C11orf91: variants seen among roughly 807,000 people sequenced by gnomAD.
The protein encoded by C11orf91 is chromosome 11 open reading frame 91.
C11orf91 carries 10 observed loss-of-function variants against 14.3 expected under a neutral mutation model. The observed-to-expected ratio is 0.70, with a 90% CI of 0.43 to 1.18. The LOEUF (loss-of-function observed/expected upper bound fraction) is 1.18, where lower values mean the gene tolerates loss of function less well. Among genes scored for constraint, C11orf91 ranks in the 50% most tolerant of loss-of-function variants. C11orf91 has a pLI of 0.00. For missense variants in C11orf91, 236 were observed against 269.0 expected (o/e 0.88, Z 0.86); for synonymous variants, 141 against 130.6 (o/e 1.08, Z -0.54).
upstream of C11orf91, among the ~76,000 whole-genome samples, chr11:33,701,754 A>AGTTGTGT (rs1368091486): frequency 6.7e-6 from 1 of 148,926 alleles, no homozygotes; most frequent in African/African-American, 2.5e-5. Context: ...CACAGTGCAA[A>AGTTGTGT]GTGTGTGTGT....
chr11:33,700,992 G>T (rs1194289580), upstream of C11orf91, among the ~76,000 whole-genome samples: 1 of 152,064 alleles, frequency 6.6e-6, no homozygotes, highest in Non-Finnish European at 1.5e-5. Context: ...GCCTCGCCTC[G>T]CCTCCCGTCC....
chr11:33,698,297 T>A lies in C11orf91; in HGVS notation c.*132A>T. 1 of 652,706 alleles carries A rather than the reference T, an allele frequency of 1.5e-6. No individual in the cohort carries two copies. Among genetic ancestry groups the A allele is most frequent in the Non-Finnish European group, 2.7e-6 (1 of 367,764 alleles). 40.4% of individuals were successfully genotyped at this position (652,706 alleles called of 1,614,324 possible). A position where few individuals can be genotyped will look rare whatever the true frequency, so the allele number is the denominator to read the frequency against. On this transcript the variant is annotated 3_prime_UTR_variant, in exon 2 of 2. Coordinates refer to ENST00000379011, the MANE Select transcript of C11orf91 (RefSeq NM_001166692.2). Reference sequence around the variant, plus strand: ...AAGTGGGCACTGTATGTGAAGTACATGCTGGTAGCAACAAGAACAGCGGTA... The same window carrying A: ...AAGTGGGCACTGTATGTGAAGTACAAGCTGGTAGCAACAAGAACAGCGGTA...
chr11:33,698,608 C>T (rs1362092229), intron 1 of C11orf91, 94 bp from the exon 2 acceptor site: 7 of 858,742 alleles, frequency 8.2e-6, no homozygotes, highest in East Asian at 5.3e-5. Flanking sequence ...TGTGCTTCCT[C>T]GACCCTAAAA....
At chr11:33,703,121 C>G (rs1853164045), upstream of C11orf91, 1 of 152,062 alleles carries the variant, frequency 6.6e-6, no homozygotes, top group Non-Finnish European at 1.5e-5. Context: ...CCCCTTACTC[C>G]AAGATAATCT....
At chr11:33,701,043 G>A (rs573196226), upstream of C11orf91, among the ~76,000 whole-genome samples, 2 of 152,330 alleles carry the variant, frequency 1.3e-5, no homozygotes, top group African/African-American at 4.8e-5. Flanking sequence ...CTGCGACCCC[G>A]CTGGCTTCCG....
At position 33,700,423 on chromosome 11, in the gene C11orf91, C is replaced by T. The variant is rs747588608; in HGVS notation, c.318G>A (p.Leu106=). 5.3e-6 allele frequency: 8 copies of T among 1,521,280 alleles called. No homozygotes were observed. The East Asian group carries it at 1.5e-4, about 28-fold the overall frequency. The allele number at this position is 1,521,280 out of a possible 1,614,324, so 94.2% of individuals were successfully genotyped here. Reference sequence around the variant, plus strand: ...CCGGCGGCGGTGAGTAGAAGAAGCGCAGAGGCTCGTAGGGGATGGAGGCCA... The same window carrying T: ...CCGGCGGCGGTGAGTAGAAGAAGCGTAGAGGCTCGTAGGGGATGGAGGCCA... ...SGLASIPYEP[L]RFFYSPPPGP... Residue 106 remains leucine (L), a synonymous_variant, in exon 1 of 2, where the codon CTG becomes CTA. Transcript: ENST00000379011.
At chr11:33,705,495 C>A (rs1853274405), upstream of C11orf91, 1 of 152,266 alleles carries the variant, frequency 6.6e-6, no homozygotes. Context: ...ACTCTTCCTG[C>A]TCTTGGACAT....
chr11:33,700,146 G>T, intron 1 of C11orf91, 99 bp downstream of exon 1: 1 of 1,313,500 alleles, frequency 7.6e-7, no homozygotes, highest in Non-Finnish European at 1.0e-6. Context: ...ACTGGGGGCT[G>T]GAGTCAAACC....
At chr11:33,704,887 AAC>A (rs1315825436), upstream of C11orf91, 1 of 152,584 alleles carries the variant, frequency 6.6e-6, no homozygotes, top group Non-Finnish European at 1.5e-5. Context: ...GGAAGCCCAG[AAC>A]AGTCTTTCCT....
chr11:33,698,441 G>A lies in C11orf91; in HGVS notation c.570C>T (p.Ala190=). The A allele has an allele frequency of 3.3e-6, 5 of 1,536,916 alleles. No homozygotes were observed. Among genetic ancestry groups the A allele is most frequent in the Non-Finnish European group, 4.4e-6 (5 of 1,146,380 alleles). Residue 190 remains alanine (A), a synonymous_variant, in exon 2 of 2, where the codon GCC becomes GCT. Coordinates refer to ENST00000379011, the MANE Select transcript of C11orf91 (RefSeq NM_001166692.2). ...GGTAGGCAGCTCCTCAGGAGAGAGA[G>A]GCCGACTTCTTTCCAGGTTGCTTGG... ...LKTKQPGKKS[A]SLS is the part of the protein sequence containing the mutation.
Position 33,700,737 on chromosome 11 carries a change from G to C in C11orf91, c.4C>G (p.Pro2Ala). Residue 2 changes from proline to alanine, a missense_variant, in exon 1 of 2, where the codon CCA becomes GCA. By Grantham distance (27) the Pro-to-Ala change is conservative. Coordinates refer to ENST00000379011, the MANE Select transcript of C11orf91 (RefSeq NM_001166692.2). Reference protein sequence around the residue: MPKGRRGSHSPT... With the variant: MAKGRRGSHSPT... Reference sequence around the variant, plus strand: ...CTGTGGCTGCCGCGCCGCCCCTTTGGCATCGTTTGAATGAGGGTCTGCGTG... The same window carrying C: ...CTGTGGCTGCCGCGCCGCCCCTTTGCCATCGTTTGAATGAGGGTCTGCGTG... 1 of 1,365,340 alleles carries C rather than the reference G, an allele frequency of 7.3e-7. No homozygotes were observed. The highest frequency in any genetic ancestry group is 3.1e-5 in the East Asian group (1 of 32,360). The allele number at this position is 1,365,340 out of a possible 1,614,324, so 84.6% of individuals were successfully genotyped here.
At chr11:33,700,178 C>T in intron 1 of C11orf91, 67 bp downstream of exon 1, 1 of 1,464,904 alleles carries the variant, frequency 6.8e-7, no homozygotes, top group East Asian at 2.6e-5. Flanking sequence ...CGGGTCGGGG[C>T]ACGGAGCCAA....
chr11:33,701,503 G>A (rs1031615807), upstream of C11orf91, among the ~76,000 whole-genome samples: 5 of 152,168 alleles, frequency 3.3e-5, no homozygotes, highest in South Asian at 2.1e-4. Context: ...AATCCTGTCC[G>A]CCCTACCTCA....
chr11:33,699,479 C>A, intron 1 of C11orf91: 1 of 448,206 alleles, frequency 2.2e-6, no homozygotes, highest in Non-Finnish European at 4.5e-6. Flanking sequence ...CAACCTACCG[C>A]TACTGAAAGT....
In C11orf91 at chr11:33,700,261, G is replaced by C; in HGVS notation, c.480C>G (p.Gly160=). 6.5e-7 allele frequency: 1 copy of C among 1,534,034 alleles called. No individual in the cohort carries two copies. The highest frequency in any genetic ancestry group is 8.7e-7 in the Non-Finnish European group (1 of 1,145,934). The change falls in exon 1 of 2, where the codon GGC becomes GGG. Residue 160 remains glycine (G), a synonymous_variant. Coordinates refer to ENST00000379011, the MANE Select transcript of C11orf91 (RefSeq NM_001166692.2). ...GTCACGCACAGCTCTGGGAGTCGAA[G>C]CCGTCCCCAGTGATGGTGAGCAACT... is the stretch of plus-strand genomic sequence containing the variant. ...ELELLTITGD[G]FDSQSYTFLK...
intron 1 of C11orf91, 34 bp from the exon 2 acceptor site, chr11:33,698,548 G>A (rs1191350134): frequency 7.0e-7 from 1 of 1,431,472 alleles, no homozygotes; most frequent in Non-Finnish European, 9.5e-7. Flanking sequence ...AGCCGTAATA[G>A]AGATAAGGGC....
upstream of C11orf91, chr11:33,703,674 G>C (rs1564963795): frequency 6.6e-6 from 1 of 152,202 alleles, no homozygotes; most frequent in Non-Finnish European, 1.5e-5. Flanking sequence ...GAAAGTCACA[G>C]GCCTTGGCAG....
At chr11:33,701,366 G>A (rs1853124366), upstream of C11orf91, among the ~76,000 whole-genome samples, 1 of 152,236 alleles carries the variant, frequency 6.6e-6, no homozygotes, top group South Asian at 2.1e-4. Context: ...GAAGATTCTA[G>A]AAAAGGGGAT....
In C11orf91 at chr11:33,700,509, G is replaced by C; in HGVS notation, c.232C>G (p.Pro78Ala). ...ALPAPAPPPP[P>A]PPGLGPSSER... ...CTGGAGGGACCCAGGCCGGGTGGTG[G>C]CGGGGGCGGGGGCGCCGGGGCGGGG... Residue 78 changes from proline (P) to alanine (A), a missense_variant, in exon 1 of 2, where the codon CCA becomes GCA. Transcript: ENST00000379011. 7.5e-7 allele frequency: 1 copy of C among 1,341,000 alleles called. No individual in the cohort carries two copies. 83.1% of individuals were successfully genotyped at this position (1,341,000 alleles called of 1,614,324 possible). A position where few individuals can be genotyped will look rare whatever the true frequency, so the allele number is the denominator to read the frequency against.
Sources: gnomAD v4.1 joint callset for allele counts (sites outside exome capture counted in the v4.1 genomes callset) on GRCh38, gnomAD v4.1.1 for gene constraint, MANE v1.5 for transcripts, NCBI Gene and HGNC (gene_info 2026-07-23, HGNC 2026-07-21) for gene names.